The following UNC13C variants were observed in gnomAD, a reference collection of about 807,000 sequenced individuals.
The protein encoded by UNC13C is protein unc-13 homolog C.
UNC13C carries 174 observed loss-of-function variants against 245.4 expected under a neutral mutation model. The observed-to-expected ratio is 0.71, with a 90% CI of 0.63 to 0.80. The LOEUF (loss-of-function observed/expected upper bound fraction) is 0.80. Ranked by LOEUF, UNC13C falls within the 30% of genes least tolerant of loss-of-function variation. UNC13C has a pLI of 0.00. For missense variants in UNC13C, 2,829 were observed against 2,602.9 expected (o/e 1.09, Z -1.89); for synonymous variants, 992 against 895.1 (o/e 1.11, Z -1.93).
At chr15:54,605,844 C>G (rs372323246) in intron 30 of UNC13C, among the ~76,000 whole-genome samples, 49 of 152,300 alleles carry the variant, frequency 3.2e-4, no homozygotes, top group African/African-American at 1.1e-3. Flanking sequence ...CATTTTCTCT[C>G]CGTATAAACA....
chr15:54,243,137 C>A, intron 7 of UNC13C, among the ~76,000 whole-genome samples: 1 of 150,142 alleles, frequency 6.7e-6, no homozygotes, highest in Non-Finnish European at 1.5e-5. Context: ...TCCCTCCTCC[C>A]ACCCCCACCC....
chr15:54,167,500 C>CAAAAAAAAAAAAA (rs67762910), intron 4 of UNC13C, among the ~76,000 whole-genome samples: 1 of 90,654 alleles, frequency 1.1e-5, no homozygotes, highest in Non-Finnish European at 2.2e-5. Flanking sequence ...ACACTCGTCT[C>CAAAAAAAAAAAAA]AAAAAAAAAA....
chr15:54,524,582 T>C (rs998631991), intron 24 of UNC13C, among the ~76,000 whole-genome samples: 1 of 152,164 alleles, frequency 6.6e-6, no homozygotes, highest in Non-Finnish European at 1.5e-5. Context: ...AGTTCCTTAG[T>C]ATCAGAAAAT....
intron 19 of UNC13C, 83 bp downstream of exon 19, chr15:54,415,150 T>C (rs2040493409): frequency 3.9e-6 from 4 of 1,014,618 alleles, no homozygotes; most frequent in Non-Finnish European, 4.3e-6. Context: ...ATGTTGAGAA[T>C]TGAAACATTA....
At chr15:54,633,123 C>T (rs1901487153), downstream of UNC13C, 1 of 152,174 alleles carries the variant, frequency 6.6e-6, no homozygotes, top group African/African-American at 2.4e-5. Context: ...CGAGATCACG[C>T]CATTGCACTC....
At chr15:54,321,594 T>G in intron 13 of UNC13C, 2 of 372,838 alleles carry the variant, frequency 5.4e-6, no homozygotes, top group Non-Finnish European at 1.0e-5. Flanking sequence ...TCACATTAAC[T>G]TTTTTCAAAG....
intron 26 of UNC13C, among the ~76,000 whole-genome samples, chr15:54,543,664 C>A (rs1896350141): frequency 6.6e-6 from 1 of 152,124 alleles, no homozygotes; most frequent in Admixed American, 6.5e-5. Context: ...ATACTATAAA[C>A]ACCTGTATGC....
the UNC13C span, among the ~76,000 whole-genome samples, chr15:53,867,491 C>T: frequency 1.3e-5 from 2 of 152,316 alleles, no homozygotes; most frequent in Non-Finnish European, 2.9e-5. Flanking sequence ...CGCTTTACAA[C>T]TTCTGCAGTT....
intron 4 of UNC13C, among the ~76,000 whole-genome samples, chr15:54,231,684 G>C (rs533635766): frequency 1.3e-5 from 2 of 152,120 alleles, no homozygotes; most frequent in South Asian, 4.1e-4. Flanking sequence ...GTTATCCTTA[G>C]TGAGTTTTCT....
intron 2 of UNC13C, among the ~76,000 whole-genome samples, chr15:54,081,972 T>G (rs762679808): frequency 1.2e-4 from 19 of 152,200 alleles, no homozygotes; most frequent in Non-Finnish European, 1.9e-4. Flanking sequence ...CTTATAGGGC[T>G]GGTCTGGTGG....
chr15:54,295,459 G>C (rs2037402927), intron 11 of UNC13C, among the ~76,000 whole-genome samples: 1 of 151,964 alleles, frequency 6.6e-6, no homozygotes, highest in Non-Finnish European at 1.5e-5. Context: ...GTTCAGACTG[G>C]ACAACATAGT....
At chr15:54,254,438 G>T (rs1338504765) in intron 8 of UNC13C, among the ~76,000 whole-genome samples, 1 of 152,194 alleles carries the variant, frequency 6.6e-6, no homozygotes, top group Non-Finnish European at 1.5e-5. Context: ...AGGAAACTTG[G>T]AAGTAGGATT....
intron 4 of UNC13C, among the ~76,000 whole-genome samples, chr15:54,223,793 G>T (rs891319583): frequency 2.0e-5 from 3 of 151,486 alleles, no homozygotes; most frequent in Non-Finnish European, 4.4e-5. Flanking sequence ...TCTGTTTTTT[G>T]GTGTTCTCTT....
intron 2 of UNC13C, among the ~76,000 whole-genome samples, chr15:54,038,122 A>ATTTTTTTTTTTTTTTTT (rs1355738786): frequency 1.8e-4 from 9 of 50,246 alleles, no homozygotes; most frequent in African/African-American, 6.6e-4. Context: ...ATATATATAT[A>ATTTTTTTTTTTTTTTTT]TATTTTTTTT....
At chr15:54,093,924 T>C (rs1392558459) in intron 2 of UNC13C, among the ~76,000 whole-genome samples, 1 of 152,196 alleles carries the variant, frequency 6.6e-6, no homozygotes, top group Non-Finnish European at 1.5e-5. Flanking sequence ...GTGGCAGTTA[T>C]GAGAGCGCAC....
chr15:54,551,517 C>G (rs952937000), intron 28 of UNC13C, among the ~76,000 whole-genome samples: 3 of 151,992 alleles, frequency 2.0e-5, no homozygotes, highest in African/African-American at 7.2e-5. Flanking sequence ...TATACATGCT[C>G]TGTGGGAAAA....
chr15:54,089,872 C>A (rs4293321), intron 2 of UNC13C, among the ~76,000 whole-genome samples: 4 of 152,148 alleles, frequency 2.6e-5, no homozygotes, highest in East Asian at 1.9e-4. Flanking sequence ...TTCCATGTTC[C>A]CCTGCTGACT....
chr15:53,999,018 C>A (rs1055951748), intron 1 of UNC13C, among the ~76,000 whole-genome samples: 1 of 151,914 alleles, frequency 6.6e-6, no homozygotes, highest in Admixed American at 6.6e-5. Flanking sequence ...TTTTGTTAAA[C>A]ATTTTTCATC....
chr15:54,404,496 T>A (rs1217881670), intron 18 of UNC13C, among the ~76,000 whole-genome samples: 2 of 152,148 alleles, frequency 1.3e-5, no homozygotes, highest in Non-Finnish European at 2.9e-5. Flanking sequence ...ATGGATCAGT[T>A]ATTTCATTAA....
Sources: allele counts gnomAD v4.1 joint callset (sites outside exome capture counted in the v4.1 genomes callset), GRCh38; gene constraint gnomAD v4.1.1; transcripts MANE v1.5; gene names NCBI Gene and HGNC (gene_info 2026-07-23, HGNC 2026-07-21).